Variants in DTNB observed in about 807,000 individuals in gnomAD.
DTNB encodes DTN-B.
Under a neutral mutation model 90.7 loss-of-function variants are expected in DTNB, and 63 were observed. The ratio of observed to expected loss-of-function variants is 0.69; its 90% CI spans 0.57 to 0.86. The LOEUF (loss-of-function observed/expected upper bound fraction) is 0.86, where lower values mean the gene tolerates loss of function less well. Ranked by LOEUF, DTNB falls within the 40% of genes least tolerant of loss-of-function variation. The pLI is 0.00. For synonymous variants in DTNB, 277 were observed against 286.7 expected (o/e 0.97, Z 0.34); for missense variants, 744 against 807.1 (o/e 0.92, Z 0.95).
intron 3 of DTNB, among the ~76,000 whole-genome samples, chr2:25,635,573 A>G (rs545800210): frequency 1.3e-5 from 2 of 152,342 alleles, no homozygotes; most frequent in South Asian, 4.1e-4. Context: ...GCAATATGTC[A>G]ATTCTCCCCA....
intron 16 of DTNB, among the ~76,000 whole-genome samples, chr2:25,404,962 G>A (rs1356598406): frequency 1.3e-5 from 2 of 152,098 alleles, no homozygotes; most frequent in Non-Finnish European, 2.9e-5. Flanking sequence ...TGAGACAAGA[G>A]TTTTGCTCTG....
intron 7 of DTNB, 70 bp from the exon 8 acceptor site, chr2:25,577,074 T>A: frequency 7.0e-7 from 1 of 1,430,478 alleles, no homozygotes; most frequent in Non-Finnish European, 9.3e-7. Context: ...GAAGAAAGAA[T>A]AAAATTTCAC....
At chr2:25,579,557 T>G (rs968047883) in intron 7 of DTNB, among the ~76,000 whole-genome samples, 6 of 151,862 alleles carry the variant, frequency 4.0e-5, no homozygotes, top group African/African-American at 1.5e-4. Context: ...TCCAACAACC[T>G]AAAGGAGGAG....
intron 12 of DTNB, among the ~76,000 whole-genome samples, chr2:25,443,284 T>A (rs572868304): frequency 6.6e-6 from 1 of 152,276 alleles, no homozygotes; most frequent in African/African-American, 2.4e-5. Flanking sequence ...CCTTTAGTCC[T>A]TGGAAGGACA....
intron 18 of DTNB, among the ~76,000 whole-genome samples, chr2:25,386,456 G>T (rs2039493659): frequency 6.6e-6 from 1 of 152,204 alleles, no homozygotes; most frequent in South Asian, 2.1e-4. Flanking sequence ...AGAAACAAAA[G>T]AGAGCCATCA....
chr2:25,565,535 C>CT (rs2058896212), intron 8 of DTNB, among the ~76,000 whole-genome samples: 1 of 152,140 alleles, frequency 6.6e-6, no homozygotes, highest in Admixed American at 6.6e-5. Context: ...GTGAGCCACT[C>CT]TGACTGACCA....
At chr2:25,451,076 G>T (rs1287750873) in intron 12 of DTNB, among the ~76,000 whole-genome samples, 1 of 152,172 alleles carries the variant, frequency 6.6e-6, no homozygotes, top group African/African-American at 2.4e-5. Flanking sequence ...AAGGTGCTGG[G>T]ATATACACTT....
At position 25,573,636 on chromosome 2, in the gene DTNB, A is replaced by G. The variant is rs1191651002; in HGVS notation, c.876+3202T>C. On this transcript the variant is annotated intron_variant, in intron 8 of 20. Coordinates refer to ENST00000406818, the MANE Select transcript of DTNB (RefSeq NM_021907.5). ...CAGTCTCACATTCTGATCTTTTCCA[A>G]CACTTGACCTAGAGCCCGGTGGGTG... Among the ~76,000 whole-genome samples the G allele has an allele frequency of 2.0e-5, 3 of 152,094 alleles. No homozygotes were observed. In the East Asian group the frequency reaches 5.8e-4, roughly 29 times the overall value.
chr2:25,517,579 G>A (rs2075347735), intron 9 of DTNB, among the ~76,000 whole-genome samples: 1 of 152,162 alleles, frequency 6.6e-6, no homozygotes, highest in Non-Finnish European at 1.5e-5. Context: ...CAGTACTAGT[G>A]AGATTATAAA....
At chr2:25,519,029 C>A (rs2075665596) in intron 9 of DTNB, among the ~76,000 whole-genome samples, 1 of 152,144 alleles carries the variant, frequency 6.6e-6, no homozygotes, top group South Asian at 2.1e-4. Flanking sequence ...TAATGGCCCA[C>A]TGGTAAGCAA....
At chr2:25,473,587 C>T (rs1034505951) in intron 10 of DTNB, among the ~76,000 whole-genome samples, 3 of 152,088 alleles carry the variant, frequency 2.0e-5, no homozygotes, top group Non-Finnish European at 4.4e-5. Flanking sequence ...GGTGTGTGCG[C>T]ATGTATGCAT....
At chr2:25,428,435 CTTT>C (rs1231871744) in intron 14 of DTNB, among the ~76,000 whole-genome samples, 3 of 141,160 alleles carry the variant, frequency 2.1e-5, no homozygotes, top group Admixed American at 7.1e-5. Context: ...ATCCTGCTTT[CTTT>C]TTTTTTTTTT....
chr2:25,664,903 G>A (rs897044348), intron 1 of DTNB, among the ~76,000 whole-genome samples: 1 of 152,194 alleles, frequency 6.6e-6, no homozygotes. Flanking sequence ...GCAACATGAG[G>A]CCTCAAGGAA....
At chr2:25,540,084 C>T (rs989184876) in intron 8 of DTNB, among the ~76,000 whole-genome samples, 1 of 152,156 alleles carries the variant, frequency 6.6e-6, no homozygotes, top group Non-Finnish European at 1.5e-5. Context: ...AGTGCAAGTG[C>T]CCCAGACCTA....
At chr2:25,542,700 TTA>T (rs2081540550) in intron 8 of DTNB, among the ~76,000 whole-genome samples, 1 of 152,236 alleles carries the variant, frequency 6.6e-6, no homozygotes, top group Non-Finnish European at 1.5e-5. Flanking sequence ...TCTTTAATAA[TTA>T]TGTTATTATT....
intron 19 of DTNB, among the ~76,000 whole-genome samples, chr2:25,382,012 A>G (rs2037933451): frequency 6.6e-6 from 1 of 151,832 alleles, no homozygotes; most frequent in Non-Finnish European, 1.5e-5. Flanking sequence ...AAGTAAGACC[A>G]CTCCACTTCC....
At chr2:25,432,819 G>T in intron 14 of DTNB, 67 bp downstream of exon 14, 1 of 1,473,168 alleles carries the variant, frequency 6.8e-7, no homozygotes, top group Non-Finnish European at 9.2e-7. Context: ...CCACTCCTTT[G>T]GTTTCCTCAG....
At chr2:25,516,421 G>T (rs981975915) in intron 9 of DTNB, among the ~76,000 whole-genome samples, 6 of 151,934 alleles carry the variant, frequency 3.9e-5, no homozygotes, top group Middle Eastern at 3.4e-3. Flanking sequence ...TAATTTTTTT[G>T]TATCTTTTTT....
At chr2:25,667,393 G>C (rs1039909189) in intron 1 of DTNB, among the ~76,000 whole-genome samples, 11 of 152,054 alleles carry the variant, frequency 7.2e-5, no homozygotes, top group Non-Finnish European at 1.2e-4. Context: ...GGAGGCTGAG[G>C]CAGGAGAATC....
Sources: allele counts gnomAD v4.1 joint callset (sites outside exome capture counted in the v4.1 genomes callset), GRCh38; gene constraint gnomAD v4.1.1; transcripts MANE v1.5; gene names NCBI Gene and HGNC (gene_info 2026-07-23, HGNC 2026-07-21).